SNRPD3: variants seen among roughly 807,000 people sequenced by gnomAD.
The protein encoded by SNRPD3 is small nuclear ribonucleoprotein D3 polypeptide.
For missense variants in SNRPD3, 73 were observed against 167.5 expected, an observed-to-expected ratio of 0.44 and a Z score of 3.11; for synonymous variants, 66 against 58.4, an observed-to-expected ratio of 1.13 and a Z score of -0.59.
rs4597 is a variant in SNRPD3 at position 24,568,160 on chromosome 22, T to C, written c.303T>C (p.Ala101=). 0.81 allele frequency: 1,309,812 copies of C among 1,612,462 alleles called. 538,545 individuals are homozygous for C. The highest frequency in any genetic ancestry group is 0.85 in the Non-Finnish European group (996,496 of 1,179,200). The part of the protein sequence containing the change: ...QGSGAGRGKA[A]ILKAQVAARG... Reference sequence around the variant, plus strand: ...CAGGGGCTGGCCGAGGAAAAGCTGCTATTCTCAAGGCCCAAGGTAGGTGCT... The same window carrying C: ...CAGGGGCTGGCCGAGGAAAAGCTGCCATTCTCAAGGCCCAAGGTAGGTGCT... Residue 101 remains alanine, a synonymous_variant, in exon 3 of 4, where the codon GCT becomes GCC. Transcript: ENST00000215829.
chr22:24,555,900 A>G (rs1405967668), upstream of SNRPD3: 17 of 1,460,240 alleles, frequency 1.2e-5, no homozygotes, highest in Non-Finnish European at 1.6e-5. Flanking sequence ...GTGAGGAGGA[A>G]GCGGAGGCGA....
At chr22:24,561,664 C>T (rs564222248) in intron 2 of SNRPD3, among the ~76,000 whole-genome samples, 2 of 152,266 alleles carry the variant, frequency 1.3e-5, no homozygotes, top group South Asian at 4.2e-4. Flanking sequence ...ATGAGAACAT[C>T]CTCTTAGCAC....
intron 2 of SNRPD3, among the ~76,000 whole-genome samples, chr22:24,561,587 G>T (rs2045144060): frequency 6.6e-6 from 1 of 152,210 alleles, no homozygotes; most frequent in Non-Finnish European, 1.5e-5. Flanking sequence ...AGTTTAGTTT[G>T]TTCAGCACAT....
In SNRPD3 at chr22:24,574,052, C is replaced by T. The variant is rs2045269734; in HGVS notation, c.*2075C>T. Among the ~76,000 whole-genome samples, 1 of 152,128 alleles carries T rather than the reference C, an allele frequency of 6.6e-6. No individual in the cohort carries two copies. The highest frequency in any genetic ancestry group is 1.5e-5 in the Non-Finnish European group (1 of 68,026). ...ATTCTATCTTAAGTAGACCTAAAGC[C>T]GTATTTTGACCCTGTACTAGTATGT... On this transcript the variant is annotated 3_prime_UTR_variant, in exon 4 of 4. Coordinates refer to ENST00000215829, the MANE Select transcript of SNRPD3 (RefSeq NM_004175.5).
intron 2 of SNRPD3, among the ~76,000 whole-genome samples, chr22:24,562,043 A>G (rs1007221889): frequency 6.6e-6 from 1 of 151,960 alleles, no homozygotes; most frequent in Non-Finnish European, 1.5e-5. Flanking sequence ...GAAAAGATAA[A>G]TAGAGGATCT....
At chr22:24,559,668 T>C (rs2147118779) in intron 2 of SNRPD3, among the ~76,000 whole-genome samples, 1 of 152,250 alleles carries the variant, frequency 6.6e-6, no homozygotes, top group Non-Finnish European at 1.5e-5. Flanking sequence ...TTGGACCTCC[T>C]TCATCCTCTG....
At chr22:24,567,581 T>C (rs2045207748) in intron 2 of SNRPD3, among the ~76,000 whole-genome samples, 1 of 152,114 alleles carries the variant, frequency 6.6e-6, no homozygotes, top group African/African-American at 2.4e-5. Flanking sequence ...ACCCCACCTC[T>C]ACTAAAAATA....
chr22:24,569,378 TA>T (rs1226951233), intron 3 of SNRPD3, among the ~76,000 whole-genome samples: 1 of 152,178 alleles, frequency 6.6e-6, no homozygotes, highest in African/African-American at 2.4e-5. Flanking sequence ...TTAGTGTTGG[TA>T]AAAAAGGTTT....
At chr22:24,564,524 G>A (rs1023025377) in intron 2 of SNRPD3, among the ~76,000 whole-genome samples, 1 of 152,254 alleles carries the variant, frequency 6.6e-6, no homozygotes, top group African/African-American at 2.4e-5. Flanking sequence ...AGGCATGTGT[G>A]CAGTGAGACT....
chr22:24,569,051 C>T (rs141123861), intron 3 of SNRPD3, among the ~76,000 whole-genome samples: 88 of 152,138 alleles, frequency 5.8e-4, no homozygotes, highest in East Asian at 4.4e-3. Flanking sequence ...GGTGTGGGAT[C>T]GCTTGCCCTT....
rs1408780326 is a variant in SNRPD3, at chr22:24,574,581, C to T, written c.*2604C>T. Among the ~76,000 whole-genome samples the T allele has an allele frequency of 6.6e-6, 1 of 152,146 alleles. No individual in the cohort carries two copies. Among genetic ancestry groups the T allele is most frequent in the East Asian group, 1.9e-4 (1 of 5,206 alleles). Reference sequence around the variant, plus strand: ...TTGTTTTAAGACGGTCTCACTCTTCCCCAGGCGGGAGTGCAATGGCACAAT... The same window carrying T: ...TTGTTTTAAGACGGTCTCACTCTTCTCCAGGCGGGAGTGCAATGGCACAAT... On this transcript the variant is annotated 3_prime_UTR_variant, in exon 4 of 4. Transcript: ENST00000215829.
rs570235468 is a variant in SNRPD3 at position 24,570,379 on chromosome 22, G to A, written c.320-1537G>A. On this transcript the variant is annotated intron_variant, in intron 3 of 3. Transcript: ENST00000215829. ...CTGGGAACCATAGATGAAAGCTCAA[G>A]TTTAAAGATGTAATAGTGTGAGGGG... 5.9e-4 allele frequency among the ~76,000 whole-genome samples: 90 copies of A among 152,284 alleles called. No individual in the cohort carries two copies. The South Asian group carries it at 0.018, about 30-fold the overall frequency.
At chr22:24,563,412 TG>T (rs1300532931) in intron 2 of SNRPD3, among the ~76,000 whole-genome samples, 4 of 151,838 alleles carry the variant, frequency 2.6e-5, no homozygotes, top group African/African-American at 9.7e-5. Context: ...GAGGTTAAGC[TG>T]GGAAGGCAGG....
intron 3 of SNRPD3, among the ~76,000 whole-genome samples, chr22:24,571,379 T>G (rs2045248252): frequency 6.6e-6 from 1 of 152,150 alleles, no homozygotes; most frequent in African/African-American, 2.4e-5. Context: ...AAGAGTGTGC[T>G]GCTAGCTCCT....
chr22:24,563,572 C>T (rs555375768), intron 2 of SNRPD3, among the ~76,000 whole-genome samples: 4 of 152,202 alleles, frequency 2.6e-5, no homozygotes, highest in African/African-American at 9.6e-5. Context: ...CAAAATATGT[C>T]CCCAGTTTTA....
intron 2 of SNRPD3, among the ~76,000 whole-genome samples, chr22:24,562,842 C>T (rs1010262793): frequency 6.6e-6 from 1 of 152,134 alleles, no homozygotes; most frequent in Admixed American, 6.5e-5. Flanking sequence ...TCTCTCTGTA[C>T]ATTGAATAAA....
rs1203193245 is a variant in SNRPD3, at chr22:24,572,544, C to T, written c.*567C>T. ...TTGGGAGGCCAAGGCGGGCGGATCA[C>T]GAGGTCAGGAGTTCGAGACCAGCCT... is the stretch of plus-strand genomic sequence containing the variant. On this transcript the variant is annotated 3_prime_UTR_variant, in exon 4 of 4. Transcript: ENST00000215829. 3 of 185,544 alleles carry T rather than the reference C, an allele frequency of 1.6e-5. No individual in the cohort carries two copies. Among genetic ancestry groups the T allele is most frequent in the South Asian group, 1.1e-4 (1 of 9,384 alleles). The allele number at this position is 185,544 out of a possible 1,614,324, so 11.5% of individuals were successfully genotyped here. A position where few individuals can be genotyped will look rare whatever the true frequency, so the allele number is the denominator to read the frequency against.
At chr22:24,565,341 T>A (rs2045186937) in intron 2 of SNRPD3, among the ~76,000 whole-genome samples, 1 of 152,166 alleles carries the variant, frequency 6.6e-6, no homozygotes, top group Non-Finnish European at 1.5e-5. Flanking sequence ...CAGATCTGCC[T>A]CTGAATGGCT....
At chr22:24,558,579 A>G (rs1284561163) in intron 2 of SNRPD3, among the ~76,000 whole-genome samples, 4 of 152,202 alleles carry the variant, frequency 2.6e-5, no homozygotes, top group African/African-American at 4.8e-5. Context: ...GTAGATGCCA[A>G]GACAGAATTT....
Sources: gnomAD v4.1 joint callset for allele counts (sites outside exome capture counted in the v4.1 genomes callset) on GRCh38, gnomAD v4.1.1 for gene constraint, MANE v1.5 for transcripts, NCBI Gene and HGNC (gene_info 2026-07-23, HGNC 2026-07-21) for gene names.